Variants in DLGAP2 observed in about 807,000 individuals in gnomAD.
DLGAP2 encodes the protein disks large-associated protein 2.
DLGAP2 carries 26 observed loss-of-function variants against 100.3 expected under a neutral mutation model. The observed-to-expected ratio is 0.26, with a 90% confidence interval of 0.19 to 0.36. The LOEUF is 0.36. Among genes scored for constraint, DLGAP2 ranks in the 10% least tolerant of loss-of-function variants. The pLI is 1.00. For synonymous variants in DLGAP2, 886 were observed against 630.1 expected, an observed-to-expected ratio of 1.41 and a Z score of -6.08; for missense variants, 1,858 against 1,453.2, an observed-to-expected ratio of 1.28 and a Z score of -4.53.
chr8:893,903 C>A (rs778237333), intron 1 of DLGAP2, among the ~76,000 whole-genome samples: 1 of 152,208 alleles, frequency 6.6e-6, no homozygotes, highest in Non-Finnish European at 1.5e-5. Context: ...TGCAGAGGTT[C>A]CCATGGTTAC....
At chr8:811,843 G>T (rs555879043) in intron 1 of DLGAP2, among the ~76,000 whole-genome samples, 1 of 152,236 alleles carries the variant, frequency 6.6e-6, no homozygotes, top group Non-Finnish European at 1.5e-5. Flanking sequence ...CCACGGCTTC[G>T]CTGAGCCATG....
chr8:1,128,054 C>T (rs1032982437), intron 2 of DLGAP2, among the ~76,000 whole-genome samples: 6 of 152,244 alleles, frequency 3.9e-5, no homozygotes, highest in African/African-American at 1.4e-4. Flanking sequence ...CATTTCAATA[C>T]GGTTGTGCAC....
Position 1,602,091 on chromosome 8 carries a change from C to T in DLGAP2, c.1443-24649C>T, listed in dbSNP as rs1796646222. Among the ~76,000 whole-genome samples the T allele has an allele frequency of 1.3e-5, 2 of 152,156 alleles. 1 individual carries two copies. The highest frequency in any genetic ancestry group is 4.2e-4 in the South Asian group (2 of 4,818). ...GCCATGCAAGCTGCATTGAAGCACT[C>T]AGCCCACACTTGTCAAATATGTGAA... On this transcript the variant is annotated intron_variant, in intron 6 of 14. Coordinates refer to ENST00000637795, the MANE Select transcript of DLGAP2 (RefSeq NM_001346810.2).
intron 6 of DLGAP2, among the ~76,000 whole-genome samples, chr8:1,622,695 T>C (rs954501943): frequency 6.6e-6 from 1 of 152,344 alleles, no homozygotes; most frequent in East Asian, 1.9e-4. Flanking sequence ...AACATTTCTG[T>C]GTTATTCTAG....
At chr8:994,053 G>C (rs73176520) in intron 2 of DLGAP2, among the ~76,000 whole-genome samples, 14,153 of 152,140 alleles carry the variant, frequency 0.093, 883 homozygotes, top group Middle Eastern at 0.22. Flanking sequence ...CAGGCGTTGC[G>C]TAGACAGTAC....
Position 1,668,287 on chromosome 8 carries a change from G to T in DLGAP2, c.1811-42G>T. 2 of 1,439,560 alleles carry T rather than the reference G, an allele frequency of 1.4e-6. 1 individual carries two copies. The highest frequency in any genetic ancestry group is 3.0e-5 in the South Asian group (2 of 67,458). The allele number at this position is 1,439,560 out of a possible 1,614,324, so 89.2% of individuals were successfully genotyped here. A position where few individuals can be genotyped will look rare whatever the true frequency, so the allele number is the denominator to read the frequency against. Reference sequence around the variant, plus strand: ...GAAACAGTAGACCACAGGCTGACGGGGAAGAACACGCCTGTTGACTTGGGA... The same window carrying T: ...GAAACAGTAGACCACAGGCTGACGGTGAAGAACACGCCTGTTGACTTGGGA... On this transcript the variant is annotated intron_variant, in intron 8 of 14. Coordinates refer to ENST00000637795, the MANE Select transcript of DLGAP2 (RefSeq NM_001346810.2).
At chr8:1,474,960 G>A (rs1401856776) in intron 3 of DLGAP2, among the ~76,000 whole-genome samples, 2 of 152,154 alleles carry the variant, frequency 1.3e-5, no homozygotes, top group Non-Finnish European at 2.9e-5. Context: ...ATTCGCAACA[G>A]GAAAGACATG....
At chr8:1,074,258 A>G (rs1393399691) in intron 2 of DLGAP2, among the ~76,000 whole-genome samples, 3 of 150,966 alleles carry the variant, frequency 2.0e-5, no homozygotes, top group African/African-American at 7.4e-5. Flanking sequence ...AAGGGTTTGC[A>G]GCAGACTGAG....
chr8:815,460 G>A (rs1442491192), intron 1 of DLGAP2, among the ~76,000 whole-genome samples: 2 of 152,176 alleles, frequency 1.3e-5, no homozygotes, highest in African/African-American at 4.8e-5. Context: ...GATTAAAATG[G>A]CAGATAATTT....
intron 4 of DLGAP2, among the ~76,000 whole-genome samples, chr8:1,545,207 G>T (rs1801493683): frequency 6.6e-6 from 1 of 152,124 alleles, no homozygotes; most frequent in Non-Finnish European, 1.5e-5. Flanking sequence ...AGGGATCGGT[G>T]TTAATTCTTT....
At chr8:1,227,690 A>G (rs1180539686) in intron 2 of DLGAP2, among the ~76,000 whole-genome samples, 3 of 152,144 alleles carry the variant, frequency 2.0e-5, no homozygotes, top group Non-Finnish European at 4.4e-5. Flanking sequence ...AAAATATTAC[A>G]TGATGTCACT....
intron 2 of DLGAP2, among the ~76,000 whole-genome samples, chr8:1,165,122 C>G (rs985012897): frequency 3.7e-5 from 5 of 136,030 alleles, no homozygotes; most frequent in African/African-American, 1.3e-4. Context: ...CTTCTGCTGC[C>G]AGATAGAGAG....
intron 3 of DLGAP2, among the ~76,000 whole-genome samples, chr8:1,460,529 A>C (rs1047381047): frequency 6.6e-6 from 1 of 152,218 alleles, no homozygotes; most frequent in African/African-American, 2.4e-5. Flanking sequence ...TCCTGGAGCC[A>C]CAGTGGATCA....
intron 3 of DLGAP2, among the ~76,000 whole-genome samples, chr8:1,488,213 C>G (rs1799280128): frequency 6.6e-6 from 1 of 152,142 alleles, no homozygotes; most frequent in Non-Finnish European, 1.5e-5. Flanking sequence ...GTCCTCCACC[C>G]CCCTGCAAAC....
At chr8:756,568 A>T (rs2132581943) in intron 1 of DLGAP2, among the ~76,000 whole-genome samples, 1 of 152,206 alleles carries the variant, frequency 6.6e-6, no homozygotes, top group Non-Finnish European at 1.5e-5. Flanking sequence ...TCATATTCAT[A>T]TGCAGCCTAC....
chr8:1,105,410 C>A (rs1432148255), intron 2 of DLGAP2, among the ~76,000 whole-genome samples: 2 of 152,158 alleles, frequency 1.3e-5, no homozygotes, highest in African/African-American at 2.4e-5. Flanking sequence ...TTCTCACCAG[C>A]ACCTGTGACT....
chr8:764,227 A>G (rs1039450954), intron 1 of DLGAP2, among the ~76,000 whole-genome samples: 2 of 152,180 alleles, frequency 1.3e-5, no homozygotes, highest in Admixed American at 6.6e-5. Context: ...ACAGGCGTGG[A>G]TTTAGACTGG....
At chr8:1,635,740 ATAT>A (rs1331101486) in intron 8 of DLGAP2, among the ~76,000 whole-genome samples, 2 of 152,266 alleles carry the variant, frequency 1.3e-5, no homozygotes, top group African/African-American at 2.4e-5. Context: ...CAAATGTATA[ATAT>A]TCATATAATA....
At chr8:955,320 A>G (rs11784092) in intron 2 of DLGAP2, among the ~76,000 whole-genome samples, 9,222 of 152,154 alleles carry the variant, frequency 0.061, 391 homozygotes, top group Admixed American at 0.1. Flanking sequence ...TCCCCCTTAC[A>G]GCTTTCCAAG....
Sources: gnomAD v4.1 joint callset for allele counts (sites outside exome capture counted in the v4.1 genomes callset) on GRCh38, gnomAD v4.1.1 for gene constraint, MANE v1.5 for transcripts, NCBI Gene and HGNC (gene_info 2026-07-23, HGNC 2026-07-21) for gene names.